PCDHA9: variants seen among roughly 807,000 people sequenced by gnomAD.
PCDHA9 encodes the protein protocadherin alpha-9.
PCDHA9 carries 62 observed loss-of-function variants against 62.0 expected under a neutral mutation model. That is an observed-to-expected ratio of 1.00 (90% CI 0.81 to 1.23). The LOEUF (loss-of-function observed/expected upper bound fraction) is 1.23. Among genes scored for constraint, PCDHA9 ranks in the 50% most tolerant of loss-of-function variants. PCDHA9 has a pLI of 0.00. For missense variants in PCDHA9, 1,205 were observed against 1,249.8 expected (o/e 0.96, Z 0.54); for synonymous variants, 557 against 567.6 (o/e 0.98, Z 0.27).
chr5:140,961,760 A>G (rs1563318527), intron 1 of PCDHA9, among the ~76,000 whole-genome samples: 3 of 152,172 alleles, frequency 2.0e-5, no homozygotes. Context: ...TTTTGAAGGA[A>G]TTTATATCAA....
intron 1 of PCDHA9, chr5:140,854,061 C>T: frequency 3.6e-6 from 1 of 279,894 alleles, no homozygotes; most frequent in Non-Finnish European, 5.4e-6. Flanking sequence ...ACTCAGGAGG[C>T]TGAGGCGAGA....
intron 1 of PCDHA9, chr5:140,969,203 G>T (rs781962982): frequency 8.1e-6 from 13 of 1,614,178 alleles, no homozygotes; most frequent in Non-Finnish European, 1.1e-5. Flanking sequence ...CAATACAGGG[G>T]CCCAGACAGG....
rs1231856848 is a variant in PCDHA9 at position 141,000,389 on chromosome 5, CTCTCTCTA to C, written c.2543-9236_2543-9229del. 6.2e-3 allele frequency among the ~76,000 whole-genome samples: 389 copies of C among 62,448 alleles called. 3 individuals are homozygous for C. Among genetic ancestry groups the C allele is most frequent in the East Asian group, 0.011 (21 of 1,838 alleles). The allele number at this position is 62,448 out of a possible 152,430, so 41.0% of individuals were successfully genotyped here. A position where few individuals can be genotyped will look rare whatever the true frequency, so the allele number is the denominator to read the frequency against. ...TCTCTCTCTCTCTCTCTCTCTCTCT[CTCTCTCTA>C]TATATATATATATATATATATATAT... is the stretch of plus-strand genomic sequence containing the variant. On this transcript the variant is annotated intron_variant, in intron 3 of 3. Coordinates refer to ENST00000532602, the MANE Select transcript of PCDHA9 (RefSeq NM_031857.2).
At position 140,856,900 on chromosome 5, in the gene PCDHA9, C is replaced by T. The variant is rs782598308; in HGVS notation, c.2394+6011C>T. On this transcript the variant is annotated intron_variant, in intron 1 of 3. Coordinates refer to ENST00000532602, the MANE Select transcript of PCDHA9 (RefSeq NM_031857.2). ...TGATGTATTCATTTAGCTCTTTGGT[C>T]CCACCCACGATAAGAAGGAAATTTT... The T allele has an allele frequency of 1.0e-5, 16 of 1,596,132 alleles. No homozygotes were observed. In the East Asian group the frequency reaches 2.7e-4, roughly 27 times the overall value.
rs955565578 is a variant in PCDHA9, at chr5:141,012,291, T to C, written c.*2354T>C. 6 of 153,804 alleles carry C rather than the reference T, an allele frequency of 3.9e-5. No homozygotes were observed. The highest frequency in any genetic ancestry group is 9.6e-5 in the African/African-American group (4 of 41,478). The allele number at this position is 153,804 out of a possible 1,614,324, so 9.5% of individuals were successfully genotyped here. A position where few individuals can be genotyped will look rare whatever the true frequency, so the allele number is the denominator to read the frequency against. On this transcript the variant is annotated 3_prime_UTR_variant, in exon 4 of 4. Coordinates refer to ENST00000532602, the MANE Select transcript of PCDHA9 (RefSeq NM_031857.2). ...ACACGTCATGTGGATTCATTTTGAA[T>C]TGGTGCTATTGGTATTTCCTCTGTT...
chr5:140,966,894 A>G, intron 1 of PCDHA9: 1 of 1,596,438 alleles, frequency 6.3e-7, no homozygotes, highest in Non-Finnish European at 8.5e-7. Flanking sequence ...GCGGCCTCCC[A>G]GCTGCGATAC....
intron 1 of PCDHA9, among the ~76,000 whole-genome samples, chr5:140,887,841 T>C (rs1024646010): frequency 2.6e-5 from 4 of 152,224 alleles, no homozygotes; most frequent in African/African-American, 7.2e-5. Context: ...ATATCTTTTA[T>C]TGACATATTT....
At chr5:140,859,201 G>A (rs1356259348) in intron 1 of PCDHA9, 1 of 149,574 alleles carries the variant, frequency 6.7e-6, no homozygotes. Flanking sequence ...ATGATATTCA[G>A]GTATTAGCTC....
rs782776948 is a variant in PCDHA9 at position 141,009,898 on chromosome 5, A to T, written c.2814A>T (p.Lys938Asn). The T allele has an allele frequency of 5.6e-6, 9 of 1,613,182 alleles. No individual in the cohort carries two copies. Among genetic ancestry groups the T allele is most frequent in the Admixed American group, 1.7e-5 (1 of 59,722 alleles). The change falls in exon 4 of 4, where the codon AAA (lysine) becomes AAT (asparagine). Residue 938 changes from lysine (K) to asparagine (N), a missense_variant. Physicochemically the swap from Lys to Asn is moderately conservative, Grantham distance 94 (BLOSUM62 0). Around this residue, in one of 3 missense-constraint regions of PCDHA9, gnomAD observed 887 missense variants for 809.5 expected, o/e 1.10. Transcript: ENST00000532602. ...AGGGTAACAAGACCCAGGAGAAAAA[A>T]GAGAAAGGGAACAGCACGACTGACA... ...KKKGNKTQEK[K>N]EKGNSTTDNS...
At chr5:140,930,168 C>T (rs2086634095) in intron 1 of PCDHA9, 1 of 152,048 alleles carries the variant, frequency 6.6e-6, no homozygotes, top group Non-Finnish European at 1.5e-5. Context: ...TAATATTTTA[C>T]AAAGAGGAAA....
At chr5:140,927,906 C>G (rs116016831) in intron 1 of PCDHA9, 1 of 1,614,180 alleles carries the variant, frequency 6.2e-7, no homozygotes, top group Non-Finnish European at 8.5e-7. Flanking sequence ...ATCATGCCCC[C>G]GAACTGGACT....
intron 1 of PCDHA9, among the ~76,000 whole-genome samples, chr5:140,975,004 T>C (rs1464460351): frequency 2.6e-5 from 4 of 152,170 alleles, no homozygotes; most frequent in African/African-American, 9.7e-5. Flanking sequence ...AAGGCTGAAA[T>C]GAACACAGCT....
chr5:140,850,695 C>T lies in PCDHA9; in HGVS notation c.2200C>T (p.Pro734Ser), dbSNP rs2150494737. 6 of 1,598,304 alleles carry T rather than the reference C, an allele frequency of 3.8e-6. No homozygotes were observed. The South Asian group carries it at 5.5e-5, about 15-fold the overall frequency. Residue 734 changes from proline to serine, a missense_variant, in exon 1 of 4, where the codon CCT becomes TCT. Physicochemically the swap from Pro to Ser is moderately conservative, Grantham distance 74. This residue lies in a region of PCDHA9 where 887 missense variants were observed against 809.5 expected (regional missense o/e 1.10). Transcript: ENST00000532602. ...SAMPTEGECA[P>S]GKPTLVCSSA... Reference sequence around the variant, plus strand: ...GATGCCCACCGAGGGCGAGTGCGCGCCTGGCAAGCCGACGCTGGTGTGTTC... The same window carrying T: ...GATGCCCACCGAGGGCGAGTGCGCGTCTGGCAAGCCGACGCTGGTGTGTTC...
chr5:140,998,107 A>G (rs138517610), intron 3 of PCDHA9, among the ~76,000 whole-genome samples: 1 of 152,328 alleles, frequency 6.6e-6, no homozygotes, highest in Non-Finnish European at 1.5e-5. Flanking sequence ...AACAGAGGAG[A>G]AAATTTACTT....
intron 1 of PCDHA9, among the ~76,000 whole-genome samples, chr5:140,917,726 G>A (rs1192405804): frequency 6.6e-6 from 1 of 152,114 alleles, no homozygotes; most frequent in Admixed American, 6.6e-5. Flanking sequence ...TTATTTCTGG[G>A]TTCTCTAACC....
rs2150519763 is a variant in PCDHA9 at position 140,852,589 on chromosome 5, T to A, written c.2394+1700T>A. The A allele has an allele frequency of 2.2e-3, 1,950 of 884,634 alleles. 113 individuals are homozygous for A. Among genetic ancestry groups the A allele is most frequent in the South Asian group, 8.1e-3 (160 of 19,680 alleles). 54.8% of individuals were successfully genotyped at this position (884,634 alleles called of 1,614,324 possible). A position where few individuals can be genotyped will look rare whatever the true frequency, so the allele number is the denominator to read the frequency against. On this transcript the variant is annotated intron_variant, in intron 1 of 3. Coordinates refer to ENST00000532602, the MANE Select transcript of PCDHA9 (RefSeq NM_031857.2). Reference sequence around the variant, plus strand: ...CTGTGCCAAGGCTTTTTTATTTTTTTTTTTTGTCATTTTCTTTCAAAACTT... The same window carrying A: ...CTGTGCCAAGGCTTTTTTATTTTTTATTTTTGTCATTTTCTTTCAAAACTT...
In PCDHA9 at chr5:140,877,706, T is replaced by C. The variant is rs142399025; in HGVS notation, c.2394+26817T>C. On this transcript the variant is annotated intron_variant, in intron 1 of 3. Coordinates refer to ENST00000532602, the MANE Select transcript of PCDHA9 (RefSeq NM_031857.2). ...CCCACGCTGGTGTGCTCCAGCGCCG[T>C]GGGGAGTTGGTCTTACTCGCAGCAG... is the stretch of plus-strand genomic sequence containing the variant. The C allele has an allele frequency of 5.8e-4, 943 of 1,613,918 alleles. 7 individuals carry two copies. In the African/African-American group the frequency reaches 0.011, roughly 19 times the overall value.
At chr5:140,920,609 G>C (rs1319890021) in intron 1 of PCDHA9, among the ~76,000 whole-genome samples, 1 of 152,160 alleles carries the variant, frequency 6.6e-6, no homozygotes. Flanking sequence ...ACTTTGGGAG[G>C]CCGAGGCGGA....
At chr5:140,871,204 A>G in intron 1 of PCDHA9, 1 of 1,613,764 alleles carries the variant, frequency 6.2e-7, no homozygotes, top group Non-Finnish European at 8.5e-7. Context: ...GTACCTGATC[A>G]TCGCCATCTG....
Sources: allele counts gnomAD v4.1 joint callset (sites outside exome capture counted in the v4.1 genomes callset), GRCh38; gene constraint gnomAD v4.1.1; regional missense constraint gnomAD v4.1.1; transcripts MANE v1.5; gene names NCBI Gene and HGNC (gene_info 2026-07-23, HGNC 2026-07-21).